The following SH2B1 variants were observed in gnomAD, a reference collection of about 807,000 sequenced individuals.
SH2B1 encodes the protein SH2B adapter protein 1.
Under a neutral mutation model 62.6 loss-of-function variants are expected in SH2B1, and 15 were observed. That is an observed-to-expected ratio of 0.24 (90% CI 0.16 to 0.37). The LOEUF is 0.37. Ranked by LOEUF, SH2B1 falls within the 10% of genes least tolerant of loss-of-function variation. The pLI is 1.00. For synonymous variants in SH2B1, 443 were observed against 438.0 expected, an observed-to-expected ratio of 1.01 and a Z score of -0.14; for missense variants, 925 against 1,015.6, an observed-to-expected ratio of 0.91 and a Z score of 1.21.
At position 28,866,027 on chromosome 16, in the gene SH2B1, C is replaced by T; in HGVS notation, c.-68C>T. 6.7e-7 allele frequency: 1 copy of T among 1,503,084 alleles called. No individual in the cohort carries two copies. The highest frequency in any genetic ancestry group is 1.3e-5 in the South Asian group (1 of 75,350). 93.1% of individuals were successfully genotyped at this position (1,503,084 alleles called of 1,614,324 possible). The stretch of plus-strand genomic sequence containing the variant: ...CCTTTCGCAGCTGCTGCCGCCCACC[C>T]CTCGTCTTCTGGCTGCCTCCCTCTT... On this transcript the variant is annotated 5_prime_UTR_variant, in exon 1 of 8. Coordinates refer to ENST00000684370, the MANE Select transcript of SH2B1 (RefSeq NM_001387430.1). This position sits in a 1 kb window ranked among gnomAD's most constrained non-coding sequence, Gnocchi z 6.3.
At chr16:28,848,724 T>C (rs948770590) in intron 1 of SH2B1, among the ~76,000 whole-genome samples, 33 of 141,096 alleles carry the variant, frequency 2.3e-4, no homozygotes, top group Non-Finnish European at 3.0e-5. Flanking sequence ...CCAGCTGGAG[T>C]GCAGTGACAC....
intron 4 of SH2B1, among the ~76,000 whole-genome samples, chr16:28,870,788 A>G (rs1167491981): frequency 6.6e-6 from 1 of 152,026 alleles, no homozygotes; most frequent in Admixed American, 6.6e-5. Context: ...GGCTCAAGCC[A>G]TCTTCCTGCG....
chr16:28,873,248 C>A lies in SH2B1; in HGVS notation c.1898-199C>A, dbSNP rs1417101627. 1 of 1,607,754 alleles carries A rather than the reference C, an allele frequency of 6.2e-7. No individual in the cohort carries two copies. Among genetic ancestry groups the A allele is most frequent in the African/African-American group, 1.3e-5 (1 of 74,884 alleles). ...CCCGATGCCTCCTGCACCCTCATGC[C>A]CTTCGGAGCGAGTGACTGTGTGTAA... is the stretch of plus-strand genomic sequence containing the variant. On this transcript the variant is annotated intron_variant, in intron 7 of 7. Coordinates refer to ENST00000684370, the MANE Select transcript of SH2B1 (RefSeq NM_001387430.1). The surrounding 1 kb of genome is among the most constrained non-coding windows in gnomAD (Gnocchi z 4.2).
At chr16:28,853,133 CATTTATATAAATATATATAA>C (rs1962241472) in intron 1 of SH2B1, among the ~76,000 whole-genome samples, 1 of 117,682 alleles carries the variant, frequency 8.5e-6, no homozygotes, top group Non-Finnish European at 1.7e-5. Flanking sequence ...TTTATGTATA[CATTTATATAAATATATATAA>C]ATGTATATAT....
chr16:28,861,188 C>T (rs1270131765), upstream of SH2B1, among the ~76,000 whole-genome samples: 3 of 145,752 alleles, frequency 2.1e-5, no homozygotes, highest in South Asian at 4.4e-4. Context: ...GCTGGAGTGC[C>T]GTGGGACGAT....
upstream of SH2B1, chr16:28,863,491 C>A: frequency 1.7e-6 from 1 of 592,198 alleles, no homozygotes; most frequent in Non-Finnish European, 2.9e-6. Context: ...ACAGCCTCAT[C>A]ATCTCGCTGG....
Position 28,863,905 on chromosome 16 carries a change from C to A in SH2B1, c.-2190C>A, listed in dbSNP as rs527418952. The stretch of plus-strand genomic sequence containing the variant: ...CGCAGGGAGCGGGAGCCGCCGCCGC[C>A]GCCGCCGCCGCCGGAGCTAACCTCG... On this transcript the variant is annotated 5_prime_UTR_variant, in exon 1 of 8. Transcript: ENST00000684370. 1 of 1,275,328 alleles carries A rather than the reference C, an allele frequency of 7.8e-7. No homozygotes were observed. Among genetic ancestry groups the A allele is most frequent in the Non-Finnish European group, 1.1e-6 (1 of 938,818 alleles). 79.0% of individuals were successfully genotyped at this position (1,275,328 alleles called of 1,614,324 possible). A position where few individuals can be genotyped will look rare whatever the true frequency, so the allele number is the denominator to read the frequency against.
At chr16:28,856,819 G>A (rs1408970445) in intron 1 of SH2B1, among the ~76,000 whole-genome samples, 2 of 152,166 alleles carry the variant, frequency 1.3e-5, no homozygotes, top group East Asian at 1.9e-4. Flanking sequence ...GCCCTCTTGT[G>A]GACCACTGCA....
chr16:28,871,947 C>T lies in SH2B1; in HGVS notation c.1477C>T (p.Pro493Ser), dbSNP rs141233195. The stretch of plus-strand genomic sequence containing the variant: ...AGGGACAGTTCATCCCCTCTCAGCC[C>T]CCTACCCTCCCTTGGACACTCCGGA... ...PTGTVHPLSAPYPPLDTPETA... is the reference protein window; with the variant it reads ...PTGTVHPLSASYPPLDTPETA... Residue 493 changes from proline to serine, a missense_variant, in exon 5 of 8, where the codon CCC becomes TCC. Pro to Ser is a moderately conservative substitution (Grantham distance 74). Transcript: ENST00000684370. 69 of 1,609,466 alleles carry T rather than the reference C, an allele frequency of 4.3e-5. No individual in the cohort carries two copies. Among genetic ancestry groups the T allele is most frequent in the Non-Finnish European group, 5.4e-5 (63 of 1,176,250 alleles).
Position 28,869,193 on chromosome 16 carries a change from T to A in SH2B1, c.1134-15T>A. ...GGTGACTTTCCTCCCAGCACCATCTTCCCTGTCTCTGCAGACCCTGCCCTG... is the reference window on the plus strand; with the variant it reads ...GGTGACTTTCCTCCCAGCACCATCTACCCTGTCTCTGCAGACCCTGCCCTG... On this transcript the variant is annotated splice_polypyrimidine_tract_variant and intron_variant, in intron 3 of 7. Coordinates refer to ENST00000684370, the MANE Select transcript of SH2B1 (RefSeq NM_001387430.1). 6.2e-7 allele frequency: 1 copy of A among 1,613,898 alleles called. No homozygotes were observed. Among genetic ancestry groups the A allele is most frequent in the Non-Finnish European group, 8.5e-7 (1 of 1,179,874 alleles).
At chr16:28,857,007 C>A (rs1319076279) in intron 1 of SH2B1, among the ~76,000 whole-genome samples, 1 of 152,046 alleles carries the variant, frequency 6.6e-6, no homozygotes, top group African/African-American at 2.4e-5. Context: ...TTGAGGCCAG[C>A]CCCAGTGGCT....
At chr16:28,859,016 A>C (rs1052720153), upstream of SH2B1, among the ~76,000 whole-genome samples, 8 of 151,444 alleles carry the variant, frequency 5.3e-5, no homozygotes, top group Non-Finnish European at 1.2e-4. Flanking sequence ...ATCTTGGCTC[A>C]CTGCAACCTC....
Position 28,873,707 on chromosome 16 carries a change from G to C in SH2B1, c.2158G>C (p.Gly720Arg), listed in dbSNP as rs1203749690. Residue 720 changes from glycine to arginine, a missense_variant, in exon 8 of 8, where the codon GGT (glycine) becomes CGT (arginine). Gly to Arg is a moderately radical substitution (Grantham distance 125, BLOSUM62 -2). Coordinates refer to ENST00000684370, the MANE Select transcript of SH2B1 (RefSeq NM_001387430.1). The surrounding 1 kb of genome is among the most constrained non-coding windows in gnomAD (Gnocchi z 4.2). ...CTCAGAGGCCCAGGGCGCTGGGTCT[G>C]GTGGGGACGCGGGGGTGCCCCCAAT... ...PGSEAQGAGS[G>R]GDAGVPPMVQ... is the part of the protein sequence containing the mutation. 1 of 1,507,076 alleles carries C rather than the reference G, an allele frequency of 6.6e-7. No homozygotes were observed. The highest frequency in any genetic ancestry group is 8.9e-7 in the Non-Finnish European group (1 of 1,125,764). The allele number at this position is 1,507,076 out of a possible 1,614,324, so 93.4% of individuals were successfully genotyped here.
intron 1 of SH2B1, among the ~76,000 whole-genome samples, chr16:28,856,222 C>G (rs1962321598): frequency 6.8e-6 from 1 of 146,284 alleles, no homozygotes; most frequent in African/African-American, 2.5e-5. Context: ...GCAGTGAGCC[C>G]AGATCACGCC....
At position 28,866,561 on chromosome 16, in the gene SH2B1, G is replaced by T. The variant is rs1198783948; in HGVS notation, c.467G>T (p.Arg156Leu). The change falls in exon 1 of 8, where the codon CGT (arginine) becomes CTT (leucine). Residue 156 changes from arginine (R) to leucine (L), a missense_variant. Transcript: ENST00000684370. This position sits in a 1 kb window ranked among gnomAD's most constrained non-coding sequence, Gnocchi z 6.3. ...KPKLKKRFSL[R>L]SVGRSVRGSV... ...AAGCTCAAGAAGCGCTTTTCCCTGCGTTCAGTGGGTCGCTCTGTCCGAGGC... is the reference window on the plus strand; with the variant it reads ...AAGCTCAAGAAGCGCTTTTCCCTGCTTTCAGTGGGTCGCTCTGTCCGAGGC... 4 of 1,613,996 alleles carry T rather than the reference G, an allele frequency of 2.5e-6. No homozygotes were observed.
At chr16:28,855,192 C>CT (rs747708127) in intron 1 of SH2B1, among the ~76,000 whole-genome samples, 104 of 151,682 alleles carry the variant, frequency 6.9e-4, no homozygotes, top group Non-Finnish European at 9.9e-4. Flanking sequence ...TGGCCCCCCA[C>CT]TTTCGTTTTG....
At position 28,866,381 on chromosome 16, in the gene SH2B1, GC is replaced by G. The variant is rs1962694629; in HGVS notation, c.290del (p.Pro97LeufsTer98). 1 of 1,613,500 alleles carries G rather than the reference GC, an allele frequency of 6.2e-7. No homozygotes were observed. Among genetic ancestry groups the G allele is most frequent in the African/African-American group, 1.3e-5 (1 of 74,916 alleles). ...TCGCCACCCATCCTGGCTCCCCTGAGCCCTGGTGCGGAGATTTCGCCACATG... is the reference window on the plus strand; with the variant it reads ...TCGCCACCCATCCTGGCTCCCCTGAGCCTGGTGCGGAGATTTCGCCACATG... ...SLSPPILAPLSPGAEISPHDL... is the reference protein window; with the variant it reads ...SLSPPILAPLXPGAEISPHDL... On this transcript the variant is annotated frameshift_variant, in exon 1 of 8. Transcript: ENST00000684370. LOFTEE classifies it high-confidence loss of function. The surrounding 1 kb of genome is among the most constrained non-coding windows in gnomAD (Gnocchi z 6.3).
intron 2 of SH2B1, among the ~76,000 whole-genome samples, chr16:28,868,209 G>C (rs1487339280): frequency 2.0e-5 from 3 of 151,618 alleles, no homozygotes; most frequent in Admixed American, 2.0e-4. Context: ...GCGCGATCTC[G>C]ACTCACTGCA....
In SH2B1 at chr16:28,866,786, T is replaced by C; in HGVS notation, c.692T>C (p.Leu231Pro). Residue 231 changes from leucine (L) to proline (P), a missense_variant, in exon 1 of 8, where the codon CTG becomes CCG. By Grantham distance (98) the Leu-to-Pro change is moderately conservative (BLOSUM62 -3). Around this residue, in one of 3 missense-constraint regions of SH2B1, gnomAD observed 683 missense variants for 704.0 expected, o/e 0.97. Coordinates refer to ENST00000684370, the MANE Select transcript of SH2B1 (RefSeq NM_001387430.1). The surrounding 1 kb of genome is among the most constrained non-coding windows in gnomAD (Gnocchi z 6.3). Reference protein sequence around the residue: ...GERWTHRFERLRLSRGGGALK... With the variant: ...GERWTHRFERPRLSRGGGALK... ...AGATGGACTCACCGTTTTGAGAGGC[T>C]GAGACTCAGTCGGGGAGGGGGCGCC... 1 of 1,582,112 alleles carries C rather than the reference T, an allele frequency of 6.3e-7. No homozygotes were observed. The highest frequency in any genetic ancestry group is 8.6e-7 in the Non-Finnish European group (1 of 1,164,942).
Sources: allele counts gnomAD v4.1 joint callset (sites outside exome capture counted in the v4.1 genomes callset), GRCh38; gene constraint gnomAD v4.1.1; regional missense constraint gnomAD v4.1.1; non-coding constraint Gnocchi (gnomAD v3.1); transcripts MANE v1.5; gene names NCBI Gene and HGNC (gene_info 2026-07-23, HGNC 2026-07-21).